Variants in NRXN3 observed in about 807,000 individuals in gnomAD.
NRXN3 encodes the protein neurexin 3.
A neutral mutation model predicts 137.6 loss-of-function variants in NRXN3; 32 were observed. The observed-to-expected ratio is 0.23, with a 90% CI of 0.18 to 0.31. NRXN3 has a LOEUF of 0.31. Among genes scored for constraint, NRXN3 ranks in the 10% least tolerant of loss-of-function variants. The probability of loss-of-function intolerance (pLI) is 1.00; values close to 1 mark genes in which losing one functional copy is unlikely to be tolerated. For synonymous variants in NRXN3, 798 were observed against 784.5 expected (o/e 1.02, Z -0.29); for missense variants, 1,574 against 2,062.5 (o/e 0.76, Z 4.59).
At chr14:79,188,888 C>T (rs1434908885) in intron 15 of NRXN3, among the ~76,000 whole-genome samples, 2 of 152,230 alleles carry the variant, frequency 1.3e-5, no homozygotes, top group East Asian at 1.9e-4. Context: ...CAGGAAACAA[C>T]AGGTGATGGA....
At chr14:79,740,632 T>A (rs12588956) in intron 19 of NRXN3, among the ~76,000 whole-genome samples, 19,519 of 147,082 alleles carry the variant, frequency 0.13, 1,460 homozygotes, top group Middle Eastern at 0.21. Context: ...TTTACAACTT[T>A]TGCATCTCTT....
intron 20 of NRXN3, among the ~76,000 whole-genome samples, chr14:79,827,924 G>A (rs371235305): frequency 6.6e-6 from 1 of 152,028 alleles, no homozygotes; most frequent in African/African-American, 2.4e-5. Context: ...TCAAACTCCT[G>A]ACCTCAAGTG....
intron 4 of NRXN3, among the ~76,000 whole-genome samples, chr14:78,544,750 G>A (rs1725636574): frequency 6.6e-6 from 1 of 152,212 alleles, no homozygotes; most frequent in African/African-American, 2.4e-5. Flanking sequence ...AGAAGGATGT[G>A]CTCATGAGGA....
chr14:79,857,650 T>C (rs1239771872), intron 20 of NRXN3, among the ~76,000 whole-genome samples: 1 of 152,174 alleles, frequency 6.6e-6, no homozygotes, highest in Non-Finnish European at 1.5e-5. Context: ...GAATTTAATA[T>C]TAAAATTAAT....
intron 4 of NRXN3, among the ~76,000 whole-genome samples, chr14:78,374,105 G>A (rs1278105778): frequency 2.0e-5 from 3 of 152,270 alleles, no homozygotes; most frequent in East Asian, 1.9e-4. Flanking sequence ...ATATAGATAC[G>A]TGTTTAGTGA....
chr14:79,846,036 C>A lies in NRXN3; in HGVS notation c.4094-15306C>A, dbSNP rs563854321. On this transcript the variant is annotated intron_variant, in intron 20 of 20. Transcript: ENST00000335750. ...ATCTTATGAGTGTGGTTCATGGCAC[C>A]CCAAAATAGTTATAATAGTAACATC... 1.1e-4 allele frequency among the ~76,000 whole-genome samples: 16 copies of A among 151,898 alleles called. 1 individual carries two copies. The South Asian group carries it at 1.7e-3, about 16-fold the overall frequency.
chr14:79,103,347 T>C (rs928297916), intron 15 of NRXN3, among the ~76,000 whole-genome samples: 1 of 152,160 alleles, frequency 6.6e-6, no homozygotes, highest in Non-Finnish European at 1.5e-5. Context: ...TTGAAGGGAA[T>C]AAGAAAATAG....
intron 4 of NRXN3, among the ~76,000 whole-genome samples, chr14:78,298,722 C>G (rs571502157): frequency 1.9e-4 from 29 of 152,330 alleles, no homozygotes; most frequent in Non-Finnish European, 4.1e-4. Flanking sequence ...CAAGATTGGT[C>G]TACCTGCCTT....
At chr14:79,304,543 T>C (rs2085708799) in intron 15 of NRXN3, among the ~76,000 whole-genome samples, 1 of 152,086 alleles carries the variant, frequency 6.6e-6, no homozygotes, top group Non-Finnish European at 1.5e-5. Flanking sequence ...AGAACTAAGC[T>C]ATTATAAAGA....
chr14:79,115,565 A>G (rs939370080), intron 15 of NRXN3, among the ~76,000 whole-genome samples: 1 of 152,190 alleles, frequency 6.6e-6, no homozygotes, highest in African/African-American at 2.4e-5. Flanking sequence ...GAAAATTGAA[A>G]GAGAAACTTT....
At chr14:78,175,350 T>A (rs183859845) in intron 1 of NRXN3, among the ~76,000 whole-genome samples, 1 of 152,238 alleles carries the variant, frequency 6.6e-6, no homozygotes, top group East Asian at 1.9e-4. Flanking sequence ...GGGTAAATTA[T>A]TGTGCCCAAT....
chr14:79,562,625 G>T (rs1205103385), intron 16 of NRXN3, among the ~76,000 whole-genome samples: 2 of 152,126 alleles, frequency 1.3e-5, no homozygotes, highest in Non-Finnish European at 2.9e-5. Flanking sequence ...AATGATAAAA[G>T]TACTTTGAAG....
At chr14:79,085,505 CAT>C (rs1485595179) in intron 15 of NRXN3, among the ~76,000 whole-genome samples, 4 of 152,066 alleles carry the variant, frequency 2.6e-5, no homozygotes, top group African/African-American at 7.2e-5. Flanking sequence ...ATTGAAGTAA[CAT>C]ATTTTTACTG....
chr14:78,924,252 C>CA (rs1418190337), intron 10 of NRXN3, among the ~76,000 whole-genome samples: 1 of 151,974 alleles, frequency 6.6e-6, no homozygotes, highest in East Asian at 1.9e-4. Context: ...AACAAACAAA[C>CA]AAAAAAACTT....
chr14:78,966,396 C>G lies in NRXN3; in HGVS notation c.2767C>G (p.Leu923Val). The G allele has an allele frequency of 6.2e-7, 1 of 1,612,242 alleles. No homozygotes were observed. The highest frequency in any genetic ancestry group is 1.7e-4 in the Middle Eastern group (1 of 6,052). Residue 923 changes from leucine (L) to valine (V), a missense_variant, in exon 12 of 21, where the codon CTT (leucine) becomes GTT (valine). Transcript: ENST00000335750. ...TGGCAATGACTTCATTGCAGTCGAGCTTGTCAAGGGGTAAGTAGAAGGGAT... is the reference window on the plus strand; with the variant it reads ...TGGCAATGACTTCATTGCAGTCGAGGTTGTCAAGGGGTAAGTAGAAGGGAT... ...GDGNDFIAVELVKGYIHYVFD... is the reference protein window; with the variant it reads ...GDGNDFIAVEVVKGYIHYVFD...
At chr14:79,718,937 C>G (rs1254319142) in intron 19 of NRXN3, among the ~76,000 whole-genome samples, 1 of 152,040 alleles carries the variant, frequency 6.6e-6, no homozygotes, top group African/African-American at 2.4e-5. Flanking sequence ...TTTTATCTCT[C>G]CCCCATTCCA....
intron 4 of NRXN3, among the ~76,000 whole-genome samples, chr14:78,372,491 A>AT (rs1418654535): frequency 2.6e-5 from 4 of 151,662 alleles, no homozygotes; most frequent in Admixed American, 1.3e-4. Context: ...TGCCTGGCTA[A>AT]TTTTTTTGTA....
chr14:79,425,913 T>C (rs921744726), intron 15 of NRXN3, among the ~76,000 whole-genome samples: 1 of 151,816 alleles, frequency 6.6e-6, no homozygotes, highest in African/African-American at 2.4e-5. Context: ...TTGCAGCAAT[T>C]TGTATGTTCT....
At chr14:79,081,254 T>A (rs2046938325) in intron 15 of NRXN3, among the ~76,000 whole-genome samples, 1 of 152,230 alleles carries the variant, frequency 6.6e-6, no homozygotes, top group Non-Finnish European at 1.5e-5. Flanking sequence ...GGTTAACATT[T>A]ATTCCAGAAT....
Sources: allele counts gnomAD v4.1 joint callset (sites outside exome capture counted in the v4.1 genomes callset), GRCh38; gene constraint gnomAD v4.1.1; transcripts MANE v1.5; gene names NCBI Gene and HGNC (gene_info 2026-07-23, HGNC 2026-07-21).